The following CALCR variants were observed in gnomAD, a reference collection of about 807,000 sequenced individuals.
CALCR encodes calcitonin receptor.
A neutral mutation model predicts 59.5 loss-of-function variants in CALCR; 47 were observed. The observed-to-expected ratio is 0.79, with a 90% CI of 0.63 to 1.01. The LOEUF is 1.01. Among genes scored for constraint, CALCR ranks in the 50% least tolerant of loss-of-function variants. The probability of loss-of-function intolerance (pLI) is 0.00; values close to 1 mark genes in which losing one functional copy is unlikely to be tolerated. For missense variants in CALCR, 566 were observed against 597.1 expected (o/e 0.95, Z 0.54); for synonymous variants, 213 against 211.3 (o/e 1.01, Z -0.07).
intron 8 of CALCR, among the ~76,000 whole-genome samples, chr7:93,459,079 A>C (rs1240178661): frequency 1.3e-5 from 2 of 152,314 alleles, no homozygotes; most frequent in Non-Finnish European, 2.9e-5. Context: ...ATAACTATTA[A>C]ATAATAGAGG....
chr7:93,434,836 G>A (rs1799740545), intron 12 of CALCR, among the ~76,000 whole-genome samples: 1 of 152,112 alleles, frequency 6.6e-6, no homozygotes, highest in Non-Finnish European at 1.5e-5. Flanking sequence ...TTTTGATTAT[G>A]GCTAAAAGAA....
chr7:93,527,550 A>T (rs1314419699), intron 2 of CALCR, among the ~76,000 whole-genome samples: 1 of 152,116 alleles, frequency 6.6e-6, no homozygotes, highest in Non-Finnish European at 1.5e-5. Context: ...GATAATTTTT[A>T]AATTTCAGTT....
rs541112769 is a variant in CALCR at position 93,461,976 on chromosome 7, C to T, written c.522-1029G>A. 52 of 796,740 alleles carry T rather than the reference C, an allele frequency of 6.5e-5. No individual in the cohort carries two copies. In the African/African-American group the frequency reaches 8.2e-4, roughly 13 times the overall value. 49.4% of individuals were successfully genotyped at this position (796,740 alleles called of 1,614,324 possible). A position where few individuals can be genotyped will look rare whatever the true frequency, so the allele number is the denominator to read the frequency against. ...TAACACTAACTATTCCTAAAAATAT[C>T]TTCATGGAATAAAGTTAGAAATGAA... On this transcript the variant is annotated intron_variant, in intron 7 of 13. Transcript: ENST00000426151.
intron 2 of CALCR, among the ~76,000 whole-genome samples, chr7:93,488,582 G>GAAAAAAAAAAAAAAA (rs1554401502): frequency 2.6e-5 from 2 of 78,022 alleles, no homozygotes; most frequent in Non-Finnish European, 2.4e-5. Flanking sequence ...CAAATGGAAA[G>GAAAAAAAAAAAAAAA]AAAAAAAAAA....
chr7:93,450,589 C>T (rs1369015687), intron 8 of CALCR, among the ~76,000 whole-genome samples: 1 of 151,918 alleles, frequency 6.6e-6, no homozygotes, highest in African/African-American at 2.4e-5. Flanking sequence ...AGTTTTCTAT[C>T]AGAGTTTTAC....
chr7:93,488,303 C>T (rs142870407), intron 2 of CALCR, among the ~76,000 whole-genome samples: 57 of 151,678 alleles, frequency 3.8e-4, no homozygotes, highest in African/African-American at 1.3e-3. Context: ...ACTGCAAAAA[C>T]ACACCAAAAT....
chr7:93,498,714 G>A (rs1173816757), intron 2 of CALCR, among the ~76,000 whole-genome samples: 2 of 151,692 alleles, frequency 1.3e-5, no homozygotes, highest in East Asian at 1.9e-4. Flanking sequence ...AATCTTAAGT[G>A]GGCTAATTCC....
At chr7:93,454,069 A>G (rs923405282) in intron 8 of CALCR, among the ~76,000 whole-genome samples, 1 of 151,932 alleles carries the variant, frequency 6.6e-6, no homozygotes, top group Non-Finnish European at 1.5e-5. Flanking sequence ...GATCATTTCA[A>G]TCTGGTTTTA....
At chr7:93,553,318 G>A (rs138575559) in intron 2 of CALCR, among the ~76,000 whole-genome samples, 63 of 152,206 alleles carry the variant, frequency 4.1e-4, no homozygotes, top group African/African-American at 1.5e-3. Context: ...CTCAACAAGG[G>A]AAGAGCTGGG....
At chr7:93,508,136 A>G (rs9656015) in intron 2 of CALCR, among the ~76,000 whole-genome samples, 42,598 of 152,164 alleles carry the variant, frequency 0.28, 6,299 homozygotes, top group Non-Finnish European at 0.32. Flanking sequence ...CAATTCACAC[A>G]TATATTGCCA....
intron 5 of CALCR, among the ~76,000 whole-genome samples, chr7:93,473,038 A>G (rs1398299389): frequency 6.6e-6 from 1 of 151,808 alleles, no homozygotes; most frequent in Non-Finnish European, 1.5e-5. Flanking sequence ...TAAGGGATAT[A>G]TCAAGAGGCC....
chr7:93,476,352 C>T (rs911823302), intron 5 of CALCR, among the ~76,000 whole-genome samples: 8 of 151,744 alleles, frequency 5.3e-5, no homozygotes, highest in Admixed American at 2.0e-4. Flanking sequence ...TCTGGCATTT[C>T]ATTAATGTGT....
At chr7:93,533,613 T>G (rs1181033977) in intron 2 of CALCR, among the ~76,000 whole-genome samples, 1 of 151,852 alleles carries the variant, frequency 6.6e-6, no homozygotes, top group Non-Finnish European at 1.5e-5. Flanking sequence ...AAAAAAAATG[T>G]GGCATTGTTA....
chr7:93,519,609 T>A (rs919248499), intron 2 of CALCR, among the ~76,000 whole-genome samples: 1 of 152,106 alleles, frequency 6.6e-6, no homozygotes, highest in Non-Finnish European at 1.5e-5. Flanking sequence ...TGAAAGACAT[T>A]TCCAAATTCA....
At chr7:93,442,576 G>A (rs933211392) in intron 9 of CALCR, among the ~76,000 whole-genome samples, 1 of 152,160 alleles carries the variant, frequency 6.6e-6, no homozygotes, top group African/African-American at 2.4e-5. Context: ...AATACAAAAG[G>A]TGATGTTTTT....
intron 2 of CALCR, among the ~76,000 whole-genome samples, chr7:93,540,329 A>G (rs1429886657): frequency 6.6e-6 from 1 of 152,012 alleles, no homozygotes; most frequent in Non-Finnish European, 1.5e-5. Context: ...GAATACAGTC[A>G]CTCTGTTTTT....
chr7:93,439,785 T>G (rs1799862575), intron 9 of CALCR, among the ~76,000 whole-genome samples: 1 of 152,080 alleles, frequency 6.6e-6, no homozygotes, highest in African/African-American at 2.4e-5. Context: ...TTCCTTTGAT[T>G]TCTAACAAGG....
At chr7:93,508,532 C>T (rs1451688020) in intron 2 of CALCR, among the ~76,000 whole-genome samples, 1 of 152,138 alleles carries the variant, frequency 6.6e-6, no homozygotes, top group African/African-American at 2.4e-5. Flanking sequence ...GTTGAACTCT[C>T]ATGTAGCAAA....
Position 93,546,727 on chromosome 7 carries a change from A to AT in CALCR, c.-27+27561dup, listed in dbSNP as rs11326946. ...ATGACCACACTTGGATAATTTTTGT[A>AT]TTTTTTTTTTTTTGGTAGAGATGTG... On this transcript the variant is annotated intron_variant, in intron 2 of 13. Transcript: ENST00000426151. 5.4e-3 allele frequency among the ~76,000 whole-genome samples: 773 copies of AT among 143,882 alleles called. 4 individuals carry two copies. The highest frequency in any genetic ancestry group is 7.3e-3 in the Admixed American group (105 of 14,350). 94.4% of individuals were successfully genotyped at this position (143,882 alleles called of 152,430 possible).
Sources: allele counts gnomAD v4.1 joint callset (sites outside exome capture counted in the v4.1 genomes callset), GRCh38; gene constraint gnomAD v4.1.1; transcripts MANE v1.5; gene names NCBI Gene and HGNC (gene_info 2026-07-23, HGNC 2026-07-21).